PCDH11X: variants seen among roughly 807,000 people sequenced by gnomAD.
PCDH11X encodes the protein protocadherin-11 X-linked.
A neutral mutation model predicts 53.3 loss-of-function variants in PCDH11X; 18 were observed. That is an observed-to-expected ratio of 0.34 (90% CI 0.23 to 0.50). The LOEUF (loss-of-function observed/expected upper bound fraction) is 0.50. Among genes scored for constraint, PCDH11X ranks in the 20% least tolerant of loss-of-function variants. The pLI is 0.98. For synonymous variants in PCDH11X, 279 were observed against 393.3 expected (o/e 0.71, Z 3.44); for missense variants, 570 against 1,032.4 (o/e 0.55, Z 6.14).
chrX:92,383,254 A>T (rs1181315766), intron 8 of PCDH11X, among the ~76,000 whole-genome samples: 2 of 109,483 alleles, frequency 1.8e-5, no homozygotes, highest in Non-Finnish European at 3.8e-5. Flanking sequence ...CTGAACCTTC[A>T]GTTTAATGGT....
At chrX:92,392,764 A>G (rs1186314890) in intron 9 of PCDH11X, among the ~76,000 whole-genome samples, 2 of 109,348 alleles carry the variant, frequency 1.8e-5, no homozygotes, top group African/African-American at 6.6e-5. Context: ...ATTAGGAGTC[A>G]GTTGTCTAAA....
chrX:92,551,823 G>A, intron 10 of PCDH11X, among the ~76,000 whole-genome samples: 1 of 110,110 alleles, frequency 9.1e-6, no homozygotes, highest in Non-Finnish European at 1.9e-5. Flanking sequence ...CCAAGAGTAT[G>A]TTCTTGGCAT....
At chrX:92,049,389 A>G (rs1046553237) in intron 6 of PCDH11X, among the ~76,000 whole-genome samples, 6 of 111,038 alleles carry the variant, frequency 5.4e-5, no homozygotes, top group African/African-American at 2.0e-4. Flanking sequence ...CCCATCTGAT[A>G]AGAATTTGTG....
chrX:91,897,137 G>A (rs1256981320), intron 6 of PCDH11X, among the ~76,000 whole-genome samples: 3 of 96,342 alleles, frequency 3.1e-5, no homozygotes, highest in African/African-American at 1.3e-4. Context: ...GCATACACAA[G>A]GAAGTCTTTC....
intron 9 of PCDH11X, among the ~76,000 whole-genome samples, chrX:92,434,856 CTAT>C (rs2072333850): frequency 9.2e-6 from 1 of 108,968 alleles, no homozygotes; most frequent in South Asian, 4.0e-4. Flanking sequence ...GAAAAGAAGT[CTAT>C]CGACTCAATC....
intron 8 of PCDH11X, among the ~76,000 whole-genome samples, chrX:92,379,389 C>T (rs988358598): frequency 6.2e-5 from 7 of 112,872 alleles, no homozygotes; most frequent in Non-Finnish European, 1.3e-4. Context: ...ATGGCTGCCT[C>T]AGCCCCCTCC....
At chrX:92,437,505 T>G (rs1465184305) in intron 9 of PCDH11X, among the ~76,000 whole-genome samples, 4 of 111,342 alleles carry the variant, frequency 3.6e-5, no homozygotes, top group African/African-American at 1.3e-4. Context: ...ATGACTATAA[T>G]TTTTAAATTG....
At chrX:92,098,398 ATT>A (rs997848328) in intron 6 of PCDH11X, among the ~76,000 whole-genome samples, 1 of 111,474 alleles carries the variant, frequency 9.0e-6, no homozygotes, top group Non-Finnish European at 1.9e-5. Context: ...CTTCATTTCT[ATT>A]TTGTTTTAAT....
intron 6 of PCDH11X, among the ~76,000 whole-genome samples, chrX:91,922,414 G>C (rs36061425): frequency 1.8e-5 from 2 of 111,611 alleles, no homozygotes; most frequent in Non-Finnish European, 3.8e-5. Flanking sequence ...TTGTGTTTAA[G>C]AGGCTTTAGA....
At chrX:92,173,289 A>G (rs917904752) in intron 6 of PCDH11X, among the ~76,000 whole-genome samples, 2 of 111,878 alleles carry the variant, frequency 1.8e-5, no homozygotes, top group African/African-American at 6.5e-5. Context: ...AAATCACTAA[A>G]CTTTATTTAG....
At chrX:92,161,056 A>C (rs1319984255) in intron 6 of PCDH11X, among the ~76,000 whole-genome samples, 1 of 110,258 alleles carries the variant, frequency 9.1e-6, no homozygotes, top group Non-Finnish European at 1.9e-5. Context: ...TTCCTTGTAG[A>C]TTCTGGATAT....
At chrX:92,241,935 A>G (rs369802385) in intron 7 of PCDH11X, among the ~76,000 whole-genome samples, 1 of 110,743 alleles carries the variant, frequency 9.0e-6, no homozygotes, top group Non-Finnish European at 1.9e-5. Context: ...GTGCAATTTT[A>G]TCACATGTGT....
intron 6 of PCDH11X, among the ~76,000 whole-genome samples, chrX:92,057,833 C>T (rs1292647184): frequency 1.9e-5 from 2 of 104,498 alleles, no homozygotes; most frequent in Non-Finnish European, 3.8e-5. Context: ...AGACATTTTA[C>T]TCATTATGTT....
At chrX:92,111,003 G>T (rs1325326410) in intron 6 of PCDH11X, among the ~76,000 whole-genome samples, 1 of 108,097 alleles carries the variant, frequency 9.3e-6, no homozygotes, top group African/African-American at 3.4e-5. Flanking sequence ...AACATCTGGG[G>T]TATTCTAGGC....
rs762341904 is a variant in PCDH11X at position 92,113,309 on chromosome X, G to A, written c.3034-88066G>A. On this transcript the variant is annotated intron_variant, in intron 6 of 10. Coordinates refer to ENST00000682573, the MANE Select transcript of PCDH11X (RefSeq NM_032968.5). ...GTGTTGTAGAAGGTCTCAATGTCTC[G>A]AAGAGTCCTCTTGTCTTCTTCTGTC... The A allele has an allele frequency of 2.5e-5, 30 of 1,197,000 alleles. No homozygotes were observed. In the South Asian group the frequency reaches 4.1e-4, roughly 16 times the overall value.
intron 7 of PCDH11X, among the ~76,000 whole-genome samples, chrX:92,262,714 G>A (rs1286678881): frequency 9.0e-6 from 1 of 111,207 alleles, no homozygotes; most frequent in Non-Finnish European, 1.9e-5. Flanking sequence ...ATTAAAAAAT[G>A]TGTTTATGCT....
intron 6 of PCDH11X, among the ~76,000 whole-genome samples, chrX:92,025,195 T>C (rs1281657148): frequency 5.5e-5 from 6 of 109,578 alleles, no homozygotes; most frequent in Middle Eastern, 9.3e-3. Context: ...AGGCAACCCA[T>C]TGAATGGGAG....
At chrX:92,116,834 A>G (rs762755436) in intron 6 of PCDH11X, among the ~76,000 whole-genome samples, 2 of 110,770 alleles carry the variant, frequency 1.8e-5, no homozygotes, top group South Asian at 7.6e-4. Context: ...GAAATCCACT[A>G]TCCTGGACCT....
chrX:91,878,263 G>A lies in PCDH11X; in HGVS notation c.2023G>A (p.Val675Ile). 1 of 1,211,516 alleles carries A rather than the reference G, an allele frequency of 8.3e-7. No homozygotes were observed. The highest frequency in any genetic ancestry group is 1.1e-6 in the Non-Finnish European group (1 of 895,397). Residue 675 changes from valine to isoleucine, a missense_variant, in exon 6 of 11, where the codon GTC becomes ATC. Transcript: ENST00000682573. The stretch of plus-strand genomic sequence containing the variant: ...CAATGACAACAAACCAGTTTTCATT[G>A]TCCCTCCTTCCAACTGTTCTTATGA... ...DVNDNKPVFI[V>I]PPSNCSYELV...
Sources: allele counts gnomAD v4.1 joint callset (sites outside exome capture counted in the v4.1 genomes callset), GRCh38; gene constraint gnomAD v4.1.1; transcripts MANE v1.5; gene names NCBI Gene and HGNC (gene_info 2026-07-23, HGNC 2026-07-21).